Variants in TNRC6B observed in about 807,000 individuals in gnomAD.
The protein encoded by TNRC6B is trinucleotide repeat containing adaptor 6B, also known as trinucleotide repeat-containing gene 6B protein.
Under a neutral mutation model 203.6 loss-of-function variants are expected in TNRC6B, and 52 were observed. The ratio of observed to expected loss-of-function variants is 0.26; its 90% CI spans 0.20 to 0.32. The LOEUF is 0.32. TNRC6B is among the 10% of genes least tolerant of loss of function. TNRC6B has a pLI of 1.00. For missense variants in TNRC6B, 1,923 were observed against 2,286.2 expected (o/e 0.84, Z 3.24); for synonymous variants, 838 against 845.7 (o/e 0.99, Z 0.16).
intron 12 of TNRC6B, among the ~76,000 whole-genome samples, chr22:40,289,862 C>T (rs1239742052): frequency 6.6e-6 from 1 of 152,268 alleles, no homozygotes; most frequent in Non-Finnish European, 1.5e-5. Context: ...TCACCCCACA[C>T]TGCCCTCAAA....
intron 12 of TNRC6B, among the ~76,000 whole-genome samples, chr22:40,286,045 T>C (rs527911921): frequency 1.4e-4 from 22 of 152,350 alleles, no homozygotes; most frequent in African/African-American, 4.8e-4. Context: ...GAAAAGCTTA[T>C]TATTCTATTC....
chr22:40,270,797 A>G (rs928351284), intron 6 of TNRC6B, among the ~76,000 whole-genome samples: 2 of 152,224 alleles, frequency 1.3e-5, no homozygotes, highest in Non-Finnish European at 2.9e-5. Context: ...AGGTGAATTA[A>G]AAATCATAAG....
At chr22:40,078,301 T>A (rs191332162) in intron 1 of TNRC6B, among the ~76,000 whole-genome samples, 11 of 152,312 alleles carry the variant, frequency 7.2e-5, no homozygotes, top group Admixed American at 2.0e-4. Flanking sequence ...GTGGGAAGAT[T>A]GCTTGAGGCC....
intron 1 of TNRC6B, among the ~76,000 whole-genome samples, chr22:40,060,576 T>C (rs75538321): frequency 0.015 from 2,265 of 152,316 alleles, 27 homozygotes; most frequent in Middle Eastern, 0.031. Context: ...TCCCCAAGAC[T>C]ATCCCTAGGT....
intron 7 of TNRC6B, among the ~76,000 whole-genome samples, chr22:40,276,058 C>T (rs2070639271): frequency 6.6e-6 from 1 of 151,640 alleles, no homozygotes; most frequent in South Asian, 2.1e-4. Context: ...TTGATGACTA[C>T]CATCACGGGC....
rs1397548979 is a variant in TNRC6B, at chr22:40,184,477, C to T, written c.5+6337C>T. On this transcript the variant is annotated intron_variant, in intron 1 of 22. Coordinates refer to ENST00000454349, the MANE Select transcript of TNRC6B (RefSeq NM_001162501.2). ...TGAGAGGTAAGCTGAAAAACTAAGC[C>T]TTGACCAGATGCAGAAGAGTGTATA... 2.6e-5 allele frequency among the ~76,000 whole-genome samples: 4 copies of T among 152,052 alleles called. No individual in the cohort carries two copies. In the South Asian group the frequency reaches 8.3e-4, roughly 32 times the overall value.
chr22:40,080,939 C>T (rs924530511), intron 1 of TNRC6B, among the ~76,000 whole-genome samples: 5 of 151,858 alleles, frequency 3.3e-5, no homozygotes, highest in Non-Finnish European at 7.4e-5. Flanking sequence ...TCACTGCAAG[C>T]TCTGCCTCCT....
In TNRC6B at chr22:40,281,265, C is replaced by G. The variant is rs1399050696; in HGVS notation, c.3558C>G (p.Asn1186Lys). ...VSLGAIGTGL[N>K]PQNFAARQGG... Reference sequence around the variant, plus strand: ...TTGGAGCAATCGGCACAGGGCTCAACCCCCAAAACTTCGCTGCTAGACAAG... The same window carrying G: ...TTGGAGCAATCGGCACAGGGCTCAAGCCCCAAAACTTCGCTGCTAGACAAG... The change falls in exon 11 of 23, where the codon AAC becomes AAG. Residue 1186 changes from asparagine to lysine, a missense_variant. Transcript: ENST00000454349. The G allele has an allele frequency of 6.5e-7, 1 of 1,546,624 alleles. No homozygotes were observed. Among genetic ancestry groups the G allele is most frequent in the Admixed American group, 2.0e-5 (1 of 50,110 alleles).
chr22:40,076,489 C>A (rs976958383), intron 1 of TNRC6B, among the ~76,000 whole-genome samples: 3 of 152,112 alleles, frequency 2.0e-5, no homozygotes, highest in African/African-American at 7.2e-5. Context: ...TGCTGGATAT[C>A]AAATTTTAGA....
chr22:40,312,629 A>G lies in TNRC6B; in HGVS notation c.4560A>G (p.Gln1520=), dbSNP rs374873561. 23 of 1,612,720 alleles carry G rather than the reference A, an allele frequency of 1.4e-5. No homozygotes were observed. The highest frequency in any genetic ancestry group is 9.9e-5 in the South Asian group (9 of 90,638). The change falls in exon 18 of 23, where the codon CAA becomes CAG. Residue 1520 remains glutamine, a synonymous_variant. Coordinates refer to ENST00000454349, the MANE Select transcript of TNRC6B (RefSeq NM_001162501.2). The stretch of plus-strand genomic sequence containing the variant: ...CTCCCATTGTAGATACTGACCACCA[A>G]CTGCTGCGGGATAACACCACAGGTA... ...ATSPIVDTDH[Q]LLRDNTTGSN... is the part of the protein sequence containing the mutation.
intron 15 of TNRC6B, among the ~76,000 whole-genome samples, chr22:40,307,386 T>C (rs2071101714): frequency 6.6e-6 from 1 of 152,210 alleles, no homozygotes; most frequent in African/African-American, 2.4e-5. Flanking sequence ...CTGGGATGCC[T>C]GCGCTCGTGC....
chr22:40,162,277 G>A (rs1601850839), intron 4 of TNRC6B, among the ~76,000 whole-genome samples: 1 of 152,024 alleles, frequency 6.6e-6, no homozygotes, highest in Non-Finnish European at 1.5e-5. Context: ...CTATTTTTTA[G>A]TAGAGACGGG....
chr22:40,113,476 T>A (rs2068359208), intron 1 of TNRC6B, among the ~76,000 whole-genome samples: 1 of 152,128 alleles, frequency 6.6e-6, no homozygotes, highest in South Asian at 2.1e-4. Flanking sequence ...CACCTCAGCC[T>A]CCTGAGTAGG....
intron 1 of TNRC6B, among the ~76,000 whole-genome samples, chr22:40,077,070 A>G (rs1489255366): frequency 8.5e-5 from 12 of 141,486 alleles, no homozygotes; most frequent in Admixed American, 7.7e-4. Context: ...AGAAAAGAAA[A>G]GAGAGAAGAG....
intron 1 of TNRC6B, among the ~76,000 whole-genome samples, chr22:40,072,317 G>A (rs911774168): frequency 1.3e-5 from 2 of 152,154 alleles, no homozygotes; most frequent in African/African-American, 4.8e-5. Context: ...AAGAAACGGG[G>A]TGTTGGCTCA....
At chr22:40,115,090 CT>C (rs1467673250) in intron 1 of TNRC6B, among the ~76,000 whole-genome samples, 3 of 152,116 alleles carry the variant, frequency 2.0e-5, no homozygotes, top group East Asian at 1.9e-4. Context: ...TACCTTAATT[CT>C]TTTTTTCCCC....
At chr22:40,137,315 G>A (rs1195642485) in intron 3 of TNRC6B, among the ~76,000 whole-genome samples, 1 of 152,192 alleles carries the variant, frequency 6.6e-6, no homozygotes, top group South Asian at 2.1e-4. Context: ...ATTTGTTTAC[G>A]TAGCTGGTAA....
At chr22:40,261,096 C>G (rs914577909) in intron 3 of TNRC6B, among the ~76,000 whole-genome samples, 9 of 151,460 alleles carry the variant, frequency 5.9e-5, no homozygotes, top group African/African-American at 2.2e-4. Flanking sequence ...TCTAGGTAGG[C>G]AACATGGCAA....
At chr22:40,211,102 A>G (rs984648487) in intron 1 of TNRC6B, among the ~76,000 whole-genome samples, 2 of 97,782 alleles carry the variant, frequency 2.0e-5, no homozygotes, top group African/African-American at 1.3e-4. Flanking sequence ...TCTTAGTGAG[A>G]TTTCTTCTTC....
Sources: allele counts gnomAD v4.1 joint callset (sites outside exome capture counted in the v4.1 genomes callset), GRCh38; gene constraint gnomAD v4.1.1; transcripts MANE v1.5; gene names NCBI Gene and HGNC (gene_info 2026-07-23, HGNC 2026-07-21).